The following FPR2 variants were observed in gnomAD, a reference collection of about 807,000 sequenced individuals.
FPR2 encodes the protein formyl peptide receptor 2.
FPR2 carries 3 observed loss-of-function variants against 4.0 expected under a neutral mutation model. That is an observed-to-expected ratio of 0.74 (90% CI 0.34 to 1.92). FPR2 has a LOEUF of 1.92. FPR2 is among the 30% of genes most tolerant of loss of function. The probability of loss-of-function intolerance (pLI) is 0.07; values close to 1 mark genes in which losing one functional copy is unlikely to be tolerated. For synonymous variants in FPR2, 179 were observed against 171.5 expected, an observed-to-expected ratio of 1.04 and a Z score of -0.34; for missense variants, 372 against 435.7, an observed-to-expected ratio of 0.85 and a Z score of 1.30.
At chr19:51,767,943 G>A (rs763573191) in intron 1 of FPR2, among the ~76,000 whole-genome samples, 5 of 151,770 alleles carry the variant, frequency 3.3e-5, no homozygotes, top group Non-Finnish European at 7.4e-5. Flanking sequence ...TATACAAATC[G>A]GCACTGATTA....
At chr19:51,764,793 C>T (rs145628966) in intron 1 of FPR2, among the ~76,000 whole-genome samples, 1 of 152,276 alleles carries the variant, frequency 6.6e-6, no homozygotes, top group East Asian at 1.9e-4. Context: ...TTTGTCCTCA[C>T]CTGTCATTGC....
chr19:51,768,495 T>C, intron 1 of FPR2, 150 bp from the exon 2 acceptor site: 1 of 641,490 alleles, frequency 1.6e-6, no homozygotes, highest in South Asian at 2.1e-5. Context: ...AGAATGCCAA[T>C]TCTATAGCAC....
At position 51,768,894 on chromosome 19, in the gene FPR2, C is replaced by T. The variant is rs535434273; in HGVS notation, c.236C>T (p.Pro79Leu). The T allele has an allele frequency of 6.2e-7, 1 of 1,614,182 alleles. No homozygotes were observed. The highest frequency in any genetic ancestry group is 1.1e-5 in the South Asian group (1 of 91,080). The change falls in exon 2 of 2, where the codon CCA (proline) becomes CTA (leucine). Residue 79 changes from proline (P) to leucine (L), a missense_variant. Pro to Leu is a moderately conservative substitution (Grantham distance 98). Coordinates refer to ENST00000340023, the MANE Select transcript of FPR2 (RefSeq NM_001005738.2). ...LADFSFTATL[P>L]FLIVSMAMGE... ...GACTTTTCTTTCACGGCCACATTAC[C>T]ATTCCTCATTGTCTCCATGGCCATG...
chr19:51,769,619 C>T lies in FPR2; in HGVS notation c.961C>T (p.Leu321=). 1 of 1,614,222 alleles carries T rather than the reference C, an allele frequency of 6.2e-7. No homozygotes were observed. Among genetic ancestry groups the T allele is most frequent in the African/African-American group, 1.3e-5 (1 of 75,064 alleles). The change falls in exon 2 of 2, where the codon CTG becomes TTG. Residue 321 remains leucine (L), a synonymous_variant. Transcript: ENST00000340023. The surrounding 1 kb of genome is among the most constrained non-coding windows in gnomAD (Gnocchi z 4.4). ...ACTGATCCACTCCCTGCCCACCAGT[C>T]TGGAGAGGGCCCTGTCTGAGGACTC... The part of the protein sequence containing the change: ...ERLIHSLPTS[L]ERALSEDSAP...
chr19:51,767,323 T>C (rs2083873566), intron 1 of FPR2, among the ~76,000 whole-genome samples: 1 of 152,202 alleles, frequency 6.6e-6, no homozygotes, highest in Non-Finnish European at 1.5e-5. Context: ...TGGATACAAA[T>C]ATTACAGATG....
intron 1 of FPR2, among the ~76,000 whole-genome samples, chr19:51,765,612 T>G (rs953963856): frequency 2.0e-5 from 3 of 152,194 alleles, no homozygotes; most frequent in Non-Finnish European, 4.4e-5. Context: ...TGTTCATAAG[T>G]AGAAACAACT....
rs1568646407 is a variant in FPR2, at chr19:51,769,679, T to C, written c.1021T>C (p.Ser341Pro). Residue 341 changes from serine (S) to proline (P), a missense_variant, in exon 2 of 2, where the codon TCA becomes CCA. Physicochemically the swap from Ser to Pro is moderately conservative, Grantham distance 74. Coordinates refer to ENST00000340023, the MANE Select transcript of FPR2 (RefSeq NM_001005738.2). This position sits in a 1 kb window ranked among gnomAD's most constrained non-coding sequence, Gnocchi z 4.4. ...TAATGACACGGCTGCCAATTCTGCTTCACCTCCTGCAGAGACTGAGTTACA... is the reference window on the plus strand; with the variant it reads ...TAATGACACGGCTGCCAATTCTGCTCCACCTCCTGCAGAGACTGAGTTACA... ...PTNDTAANSA[S>P]PPAETELQAM The C allele has an allele frequency of 6.2e-7, 1 of 1,614,120 alleles. No individual in the cohort carries two copies. Among genetic ancestry groups the C allele is most frequent in the Admixed American group, 1.7e-5 (1 of 59,998 alleles).
intron 1 of FPR2, among the ~76,000 whole-genome samples, chr19:51,767,345 A>G (rs1423785989): frequency 1.3e-5 from 2 of 152,232 alleles, no homozygotes; most frequent in African/African-American, 2.4e-5. Flanking sequence ...GATCCGGACC[A>G]GAGGCAGGGA....
intron 1 of FPR2, chr19:51,763,189 C>T (rs1018400089): frequency 6.6e-6 from 1 of 152,036 alleles, no homozygotes; most frequent in African/African-American, 2.4e-5. Flanking sequence ...TATAGAAAGA[C>T]TATATAGAGA....
chr19:51,769,400 G>A lies in FPR2; in HGVS notation c.742G>A (p.Ala248Thr), dbSNP rs141392986. 1 of 1,614,202 alleles carries A rather than the reference G, an allele frequency of 6.2e-7. No individual in the cohort carries two copies. The highest frequency in any genetic ancestry group is 8.5e-7 in the Non-Finnish European group (1 of 1,180,024). ...CTTACGGGTCCTCACTGCTGTGGTG[G>A]CTTCTTTCTTCATCTGTTGGTTTCC... ...RPLRVLTAVV[A>T]SFFICWFPFQ... The change falls in exon 2 of 2, where the codon GCT (alanine) becomes ACT (threonine). Residue 248 changes from alanine (A) to threonine (T), a missense_variant. Transcript: ENST00000340023. The surrounding 1 kb of genome is among the most constrained non-coding windows in gnomAD (Gnocchi z 4.4).
chr19:51,764,359 G>A (rs1176528205), intron 1 of FPR2, among the ~76,000 whole-genome samples: 1 of 152,180 alleles, frequency 6.6e-6, no homozygotes, highest in East Asian at 1.9e-4. Flanking sequence ...TATAATGTCA[G>A]TCAAGGGCAT....
Position 51,769,933 on chromosome 19 carries a change from TG to T in FPR2, c.*223del. 1.8e-6 allele frequency: 1 copy of T among 544,138 alleles called. No individual in the cohort carries two copies. Among genetic ancestry groups the T allele is most frequent in the Non-Finnish European group, 3.4e-6 (1 of 296,544 alleles). The allele number at this position is 544,138 out of a possible 1,614,324, so 33.7% of individuals were successfully genotyped here. On this transcript the variant is annotated 3_prime_UTR_variant, in exon 2 of 2. Coordinates refer to ENST00000340023, the MANE Select transcript of FPR2 (RefSeq NM_001005738.2). The surrounding 1 kb of genome is among the most constrained non-coding windows in gnomAD (Gnocchi z 4.4). ...TGTTTTTTGACTTCTGCCTATACCC[TG>T]GGGTAAGTGGAGTTGGGAAATACAA...
chr19:51,761,930 G>A (rs376283557), intron 1 of FPR2, among the ~76,000 whole-genome samples: 2 of 152,162 alleles, frequency 1.3e-5, no homozygotes, highest in East Asian at 3.9e-4. Context: ...CCCGTTATGG[G>A]TGGAGCCCAG....
At chr19:51,764,979 A>T (rs187212152) in intron 1 of FPR2, among the ~76,000 whole-genome samples, 1 of 152,028 alleles carries the variant, frequency 6.6e-6, no homozygotes, top group Non-Finnish European at 1.5e-5. Context: ...GGCACCCACC[A>T]CCATGCCCAG....
rs561805618 is a variant in FPR2 at position 51,768,441 on chromosome 19, G to A, written c.-14-204G>A. 3 of 540,446 alleles carry A rather than the reference G, an allele frequency of 5.6e-6. No homozygotes were observed. In the East Asian group the frequency reaches 8.7e-5, roughly 16 times the overall value. 33.5% of individuals were successfully genotyped at this position (540,446 alleles called of 1,614,324 possible). A position where few individuals can be genotyped will look rare whatever the true frequency, so the allele number is the denominator to read the frequency against. On this transcript the variant is annotated intron_variant, in intron 1 of 1. Transcript: ENST00000340023. Reference sequence around the variant, plus strand: ...GATAAGCGAAATGCATATTGATAATGATGGGAATATGGAGGACTATCCCTT... The same window carrying A: ...GATAAGCGAAATGCATATTGATAATAATGGGAATATGGAGGACTATCCCTT...
At position 51,769,580 on chromosome 19, in the gene FPR2, G is replaced by A. The variant is rs761258136; in HGVS notation, c.922G>A (p.Asp308Asn). 2.5e-6 allele frequency: 4 copies of A among 1,614,208 alleles called. No homozygotes were observed. Residue 308 changes from aspartate to asparagine, a missense_variant, in exon 2 of 2, where the codon GAC becomes AAC. Transcript: ENST00000340023. This position sits in a 1 kb window ranked among gnomAD's most constrained non-coding sequence, Gnocchi z 4.4. ...NPMLYVFVGQ[D>N]FRERLIHSLP... ...CATGCTTTACGTCTTTGTGGGCCAA[G>A]ACTTCCGAGAGAGACTGATCCACTC...
In FPR2 at chr19:51,769,432, ACTGGTTGCCCTT is replaced by A; in HGVS notation, c.779_790del (p.Val260_Leu263del). ...TCTTCATCTGTTGGTTTCCCTTTCA[ACTGGTTGCCCTT>A]CTGGGCACCGTCTGGCTCAAAGAGA... On this transcript the variant is annotated inframe_deletion, in exon 2 of 2. Coordinates refer to ENST00000340023, the MANE Select transcript of FPR2 (RefSeq NM_001005738.2). This position sits in a 1 kb window ranked among gnomAD's most constrained non-coding sequence, Gnocchi z 4.4. The A allele has an allele frequency of 6.2e-7, 1 of 1,614,190 alleles. No individual in the cohort carries two copies. The highest frequency in any genetic ancestry group is 2.2e-5 in the East Asian group (1 of 44,870).
Position 51,769,157 on chromosome 19 carries a change from G to A in FPR2, c.499G>A (p.Val167Ile). 6.2e-7 allele frequency: 1 copy of A among 1,614,202 alleles called. No individual in the cohort carries two copies. The highest frequency in any genetic ancestry group is 8.5e-7 in the Non-Finnish European group (1 of 1,180,038). ...TLPVFLFLTTVTIPNGDTYCT... is the reference protein window; with the variant it reads ...TLPVFLFLTTITIPNGDTYCT... ...GCCAGTTTTCCTCTTTTTGACTACA[G>A]TAACTATTCCAAATGGGGACACATA... The change falls in exon 2 of 2, where the codon GTA becomes ATA. Residue 167 changes from valine (V) to isoleucine (I), a missense_variant. Physicochemically the swap from Val to Ile is conservative, Grantham distance 29. Coordinates refer to ENST00000340023, the MANE Select transcript of FPR2 (RefSeq NM_001005738.2). The surrounding 1 kb of genome is among the most constrained non-coding windows in gnomAD (Gnocchi z 4.4).
chr19:51,762,443 A>C (rs943300283), intron 1 of FPR2: 3 of 146,184 alleles, frequency 2.1e-5, no homozygotes, highest in African/African-American at 7.8e-5. Flanking sequence ...CCCAGGCTGG[A>C]GTGCAATGGC....
Sources: allele counts gnomAD v4.1 joint callset (sites outside exome capture counted in the v4.1 genomes callset), GRCh38; gene constraint gnomAD v4.1.1; non-coding constraint Gnocchi (gnomAD v3.1); transcripts MANE v1.5; gene names NCBI Gene and HGNC (gene_info 2026-07-23, HGNC 2026-07-21).